The following PEAK1 variants were observed in gnomAD, a reference collection of about 807,000 sequenced individuals.
The protein encoded by PEAK1 is inactive tyrosine-protein kinase PEAK1.
PEAK1 carries 54 observed loss-of-function variants against 124.7 expected under a neutral mutation model. The ratio of observed to expected loss-of-function variants is 0.43; its 90% confidence interval spans 0.35 to 0.54. PEAK1 has a LOEUF of 0.54. Among genes scored for constraint, PEAK1 ranks in the 20% least tolerant of loss-of-function variants. The pLI is 0.01. For missense variants in PEAK1, 2,046 were observed against 2,134.5 expected (o/e 0.96, Z 0.82); for synonymous variants, 719 against 760.0 (o/e 0.95, Z 0.89).
At position 77,179,171 on chromosome 15, in the gene PEAK1, T is replaced by C; in HGVS notation, c.2756A>G (p.Asp919Gly). 1 of 1,614,158 alleles carries C rather than the reference T, an allele frequency of 6.2e-7. No homozygotes were observed. The change falls in exon 7 of 10, where the codon GAT becomes GGT. Residue 919 changes from aspartate (D) to glycine (G), a missense_variant. Physicochemically the swap from Asp to Gly is moderately conservative, Grantham distance 94 (BLOSUM62 -1). Coordinates refer to ENST00000682557, the MANE Select transcript of PEAK1 (RefSeq NM_001385026.1). ...LHSEGSRRAADAKPKRWISFK... is the reference protein window; with the variant it reads ...LHSEGSRRAAGAKPKRWISFK... ...TGATATCCAGCGCTTAGGTTTTGCA[T>C]CAGCTGCCCGCCTGCTGCCTTCAGA...
intron 1 of PEAK1, chr15:77,403,449 A>G: frequency 1.1e-6 from 1 of 928,952 alleles, no homozygotes; most frequent in Non-Finnish European, 1.3e-6. Context: ...GTAAGGGTAA[A>G]TAATTATTAA....
At chr15:77,221,637 A>G (rs35562610) in intron 6 of PEAK1, among the ~76,000 whole-genome samples, 11,686 of 152,162 alleles carry the variant, frequency 0.077, 556 homozygotes, top group Non-Finnish European at 0.1. Flanking sequence ...TCTTTTATGA[A>G]GCACCTAACT....
intron 9 of PEAK1, among the ~76,000 whole-genome samples, chr15:77,116,195 C>G (rs532399271): frequency 6.6e-6 from 1 of 152,292 alleles, no homozygotes; most frequent in Non-Finnish European, 1.5e-5. Flanking sequence ...AAACCACCCC[C>G]AAATGGGTTA....
At chr15:77,263,472 A>G (rs1322085580) in intron 5 of PEAK1, among the ~76,000 whole-genome samples, 2 of 152,194 alleles carry the variant, frequency 1.3e-5, no homozygotes, top group African/African-American at 4.8e-5. Context: ...GAATACTATA[A>G]ACACCTCTAC....
chr15:77,363,097 C>T (rs1040812163), intron 2 of PEAK1, among the ~76,000 whole-genome samples: 1 of 152,092 alleles, frequency 6.6e-6, no homozygotes, highest in African/African-American at 2.4e-5. Flanking sequence ...CTCAGGTGAT[C>T]CACCTGCCTC....
At chr15:77,143,515 T>C (rs769768366) in intron 8 of PEAK1, among the ~76,000 whole-genome samples, 1 of 152,200 alleles carries the variant, frequency 6.6e-6, no homozygotes, top group Non-Finnish European at 1.5e-5. Context: ...GGCCCCGATA[T>C]ACCTGTTTCT....
chr15:77,155,368 T>C (rs915473164), intron 8 of PEAK1: 8 of 152,246 alleles, frequency 5.3e-5, no homozygotes, highest in Admixed American at 1.3e-4. Context: ...GCATTGGTTA[T>C]TCTAGTTATC....
At chr15:77,336,066 C>T (rs1263604393) in intron 2 of PEAK1, 2 of 985,270 alleles carry the variant, frequency 2.0e-6, no homozygotes, top group Non-Finnish European at 2.4e-6. Context: ...AATAACAGTG[C>T]CATTAAAAGA....
intron 2 of PEAK1, among the ~76,000 whole-genome samples, chr15:77,338,642 AAAAT>A (rs1185212223): frequency 1.6e-3 from 225 of 142,130 alleles, no homozygotes; most frequent in African/African-American, 5.8e-3. Context: ...TTTAAAAAAA[AAAAT>A]ATATATATAT....
chr15:77,246,786 G>A lies in PEAK1; in HGVS notation c.-115+5581C>T, dbSNP rs182451482. 5.5e-3 allele frequency among the ~76,000 whole-genome samples: 835 copies of A among 152,242 alleles called. 3 individuals carry two copies. Among genetic ancestry groups the A allele is most frequent in the African/African-American group, 7.3e-3 (303 of 41,542 alleles). On this transcript the variant is annotated intron_variant, in intron 6 of 9. Transcript: ENST00000682557. ...TGCAATCCCAGCACTTTGGGAGGCCGAGGTGGGCGGATCACGAGGTCAGGA... is the reference window on the plus strand; with the variant it reads ...TGCAATCCCAGCACTTTGGGAGGCCAAGGTGGGCGGATCACGAGGTCAGGA...
chr15:77,150,974 C>T (rs1367635412), intron 8 of PEAK1, among the ~76,000 whole-genome samples: 7 of 151,968 alleles, frequency 4.6e-5, no homozygotes, highest in South Asian at 2.1e-4. Flanking sequence ...AATAAACATA[C>T]GTGTGCATGT....
At chr15:77,252,283 A>T in intron 6 of PEAK1, 84 bp downstream of exon 6, 1 of 768,640 alleles carries the variant, frequency 1.3e-6, no homozygotes, top group Non-Finnish European at 1.6e-6. Flanking sequence ...CATTTAAGTT[A>T]AACATTTAAA....
chr15:77,344,266 T>G (rs2141366688), intron 2 of PEAK1, among the ~76,000 whole-genome samples: 1 of 152,186 alleles, frequency 6.6e-6, no homozygotes, highest in Admixed American at 6.5e-5. Flanking sequence ...GGCTAATTTT[T>G]TGTATTTTTA....
intron 7 of PEAK1, among the ~76,000 whole-genome samples, chr15:77,171,984 T>C (rs2056544821): frequency 6.6e-6 from 1 of 152,176 alleles, no homozygotes; most frequent in African/African-American, 2.4e-5. Context: ...TTAAAGTATA[T>C]GAAAAATATC....
At chr15:77,368,361 A>G (rs2068403203) in intron 1 of PEAK1, among the ~76,000 whole-genome samples, 1 of 152,110 alleles carries the variant, frequency 6.6e-6, no homozygotes, top group African/African-American at 2.4e-5. Flanking sequence ...ACAAAAATAC[A>G]AAAACAATTA....
chr15:77,328,536 T>C (rs1186592707), intron 2 of PEAK1, among the ~76,000 whole-genome samples: 1 of 152,152 alleles, frequency 6.6e-6, no homozygotes. Flanking sequence ...AAAGAAGTAA[T>C]ACTTATTGGC....
At chr15:77,239,991 A>C in intron 6 of PEAK1, 1 of 279,910 alleles carries the variant, frequency 3.6e-6, no homozygotes, top group Non-Finnish European at 5.4e-6. Context: ...AATAAGAATA[A>C]CTAGAAAGCT....
At chr15:77,195,920 T>C (rs2058081479) in intron 6 of PEAK1, among the ~76,000 whole-genome samples, 2 of 152,260 alleles carry the variant, frequency 1.3e-5, no homozygotes, top group African/African-American at 4.8e-5. Context: ...ACAAGTGTCT[T>C]CTGCAATTAT....
At chr15:77,125,443 A>C (rs1489199134) in intron 9 of PEAK1, among the ~76,000 whole-genome samples, 2 of 152,070 alleles carry the variant, frequency 1.3e-5, no homozygotes, top group Non-Finnish European at 2.9e-5. Flanking sequence ...ACTTTTACTA[A>C]ATGCTTAACT....
Sources: gnomAD v4.1 joint callset for allele counts (sites outside exome capture counted in the v4.1 genomes callset) on GRCh38, gnomAD v4.1.1 for gene constraint, MANE v1.5 for transcripts, NCBI Gene and HGNC (gene_info 2026-07-23, HGNC 2026-07-21) for gene names.